DCDC1: variants seen among roughly 807,000 people sequenced by gnomAD.
DCDC1 encodes doublecortin domain containing 1.
DCDC1 carries 200 observed loss-of-function variants against 178.3 expected under a neutral mutation model. That is an observed-to-expected ratio of 1.12 (90% CI 1.00 to 1.26). The LOEUF (loss-of-function observed/expected upper bound fraction) is 1.26, where lower values mean the gene tolerates loss of function less well. Ranked by LOEUF, DCDC1 falls within the 50% of genes most tolerant of loss-of-function variation. The probability of loss-of-function intolerance (pLI) is 0.00; values close to 1 mark genes in which losing one functional copy is unlikely to be tolerated. For missense variants in DCDC1, 1,983 were observed against 1,749.2 expected, an observed-to-expected ratio of 1.13 and a Z score of -2.38; for synonymous variants, 690 against 604.8, an observed-to-expected ratio of 1.14 and a Z score of -2.07.
At chr11:31,018,294 G>A (rs951814965) in intron 20 of DCDC1, among the ~76,000 whole-genome samples, 2 of 152,120 alleles carry the variant, frequency 1.3e-5, no homozygotes, top group Non-Finnish European at 2.9e-5. Context: ...AGCTCAAAAC[G>A]CTGGGACTCA....
intron 31 of DCDC1, 168 bp downstream of exon 31, chr11:30,904,793 A>G: frequency 2.6e-6 from 2 of 769,938 alleles, no homozygotes; most frequent in South Asian, 3.7e-5. Context: ...CTGACATACA[A>G]TCAAATAAAA....
At chr11:30,920,726 T>A (rs1310268924) in intron 25 of DCDC1, 50 bp downstream of exon 25, 15 of 1,599,264 alleles carry the variant, frequency 9.4e-6, no homozygotes, top group Non-Finnish European at 1.1e-5. Context: ...GCTAATGAGC[T>A]GAGTTCAAAA....
intron 1 of DCDC1, among the ~76,000 whole-genome samples, chr11:31,342,706 A>T (rs1950609139): frequency 6.6e-6 from 1 of 152,146 alleles, no homozygotes; most frequent in South Asian, 2.1e-4. Context: ...TATAAGCAAA[A>T]ATCCAGCTGT....
intron 1 of DCDC1, among the ~76,000 whole-genome samples, chr11:31,344,173 G>T (rs184439270): frequency 6.6e-6 from 1 of 152,034 alleles, no homozygotes; most frequent in Admixed American, 6.6e-5. Flanking sequence ...AGAACTAATC[G>T]TTCATTAGAA....
intron 27 of DCDC1, among the ~76,000 whole-genome samples, chr11:30,914,983 A>G (rs1272008412): frequency 2.0e-5 from 3 of 152,208 alleles, no homozygotes; most frequent in African/African-American, 7.2e-5. Flanking sequence ...AGTTGGTTCA[A>G]ATTTGGATCC....
chr11:30,934,997 A>T (rs1947182536), intron 21 of DCDC1, among the ~76,000 whole-genome samples: 1 of 152,128 alleles, frequency 6.6e-6, no homozygotes, highest in African/African-American at 2.4e-5. Context: ...TTTGGGAACA[A>T]ATCACCCTAG....
At chr11:31,108,290 T>A (rs1166720904) in intron 12 of DCDC1, among the ~76,000 whole-genome samples, 3 of 152,174 alleles carry the variant, frequency 2.0e-5, no homozygotes, top group Non-Finnish European at 2.9e-5. Flanking sequence ...TTAAAAATGA[T>A]CATTACTCTC....
At chr11:31,083,698 C>A (rs1957319138) in intron 17 of DCDC1, among the ~76,000 whole-genome samples, 1 of 152,160 alleles carries the variant, frequency 6.6e-6, no homozygotes, top group Non-Finnish European at 1.5e-5. Flanking sequence ...CTTCCTATTT[C>A]TATAGGCTCA....
chr11:31,312,265 A>C (rs1352793170), intron 3 of DCDC1, among the ~76,000 whole-genome samples: 2 of 152,206 alleles, frequency 1.3e-5, no homozygotes, highest in Non-Finnish European at 2.9e-5. Context: ...CATTTATGTC[A>C]GACACTGTTC....
chr11:31,136,953 T>G (rs899587753), intron 10 of DCDC1, among the ~76,000 whole-genome samples: 12 of 152,332 alleles, frequency 7.9e-5, no homozygotes, highest in African/African-American at 2.9e-4. Context: ...AGTTTTCCCT[T>G]GATAAAAAAT....
Position 31,102,302 on chromosome 11 carries a change from TA to T in DCDC1, c.1878-21del, listed in dbSNP as rs2135738211. Reference sequence around the variant, plus strand: ...TCCCAACTAAGAAAAGTAAAATACGTAATTATTTTTATTAGAATAATATGCA... The same window carrying T: ...TCCCAACTAAGAAAAGTAAAATACGTATTATTTTTATTAGAATAATATGCA... On this transcript the variant is annotated intron_variant, in intron 14 of 38. Transcript: ENST00000684477. The T allele has an allele frequency of 1.5e-6, 1 of 654,246 alleles. No homozygotes were observed. The highest frequency in any genetic ancestry group is 2.7e-5 in the East Asian group (1 of 36,610). 40.5% of individuals were successfully genotyped at this position (654,246 alleles called of 1,614,324 possible). A position where few individuals can be genotyped will look rare whatever the true frequency, so the allele number is the denominator to read the frequency against.
At chr11:31,243,926 A>G (rs1361063311) in intron 8 of DCDC1, among the ~76,000 whole-genome samples, 2 of 151,690 alleles carry the variant, frequency 1.3e-5, no homozygotes, top group Non-Finnish European at 3.0e-5. Flanking sequence ...GCACTAATAA[A>G]GGTTAGCCTC....
chr11:31,350,295 T>C (rs778042730), intron 1 of DCDC1, among the ~76,000 whole-genome samples: 1 of 152,124 alleles, frequency 6.6e-6, no homozygotes, highest in African/African-American at 2.4e-5. Flanking sequence ...TTAAAAATTA[T>C]ATCAATACTC....
chr11:31,308,022 A>T (rs1379340563), intron 3 of DCDC1, 114 bp from the exon 4 acceptor site: 1 of 1,382,240 alleles, frequency 7.2e-7, no homozygotes, highest in East Asian at 2.4e-5. Context: ...CTACACACTT[A>T]GCCATTATTT....
chr11:31,000,065 G>A (rs1192936814), intron 20 of DCDC1, among the ~76,000 whole-genome samples: 1 of 152,168 alleles, frequency 6.6e-6, no homozygotes, highest in African/African-American at 2.4e-5. Context: ...TCCATTGTCA[G>A]TTGCAAGGGA....
At chr11:30,916,313 C>A (rs1306927153) in intron 26 of DCDC1, among the ~76,000 whole-genome samples, 1 of 152,168 alleles carries the variant, frequency 6.6e-6, no homozygotes, top group East Asian at 1.9e-4. Flanking sequence ...ATCTATTAAG[C>A]CCCTACTACG....
Position 31,261,223 on chromosome 11 carries a change from C to G in DCDC1, c.1054+4284G>C, listed in dbSNP as rs544980953. On this transcript the variant is annotated intron_variant, in intron 8 of 38. Transcript: ENST00000684477. The stretch of plus-strand genomic sequence containing the variant: ...TGTTTTTGTGCAGCTTTAATATCTT[C>G]TAAAGCAGCACTCTGAGATGCCTAC... 2.0e-5 allele frequency among the ~76,000 whole-genome samples: 3 copies of G among 152,272 alleles called. No homozygotes were observed. The East Asian group carries it at 5.8e-4, about 29-fold the overall frequency.
intron 9 of DCDC1, among the ~76,000 whole-genome samples, chr11:31,211,308 C>A (rs1384044683): frequency 1.3e-5 from 2 of 152,208 alleles, no homozygotes; most frequent in East Asian, 3.8e-4. Flanking sequence ...AGGATACACT[C>A]AATTTTCTAT....
intron 3 of DCDC1, among the ~76,000 whole-genome samples, 190 bp downstream of exon 3, chr11:31,327,927 A>T (rs934887577): frequency 5.9e-5 from 9 of 151,898 alleles, no homozygotes; most frequent in African/African-American, 2.2e-4. Context: ...ACAGGGTTTC[A>T]CCATGTTGGC....
Sources: allele counts gnomAD v4.1 joint callset (sites outside exome capture counted in the v4.1 genomes callset), GRCh38; gene constraint gnomAD v4.1.1; transcripts MANE v1.5; gene names NCBI Gene and HGNC (gene_info 2026-07-23, HGNC 2026-07-21).